The following LTBP4 variants were observed in gnomAD, a reference collection of about 807,000 sequenced individuals.
LTBP4 encodes latent transforming growth factor beta binding protein 4.
A neutral mutation model predicts 180.2 loss-of-function variants in LTBP4; 93 were observed. The observed-to-expected ratio is 0.52, with a 90% confidence interval of 0.44 to 0.61. The LOEUF (loss-of-function observed/expected upper bound fraction) is 0.61, where lower values mean the gene tolerates loss of function less well. Ranked by LOEUF, LTBP4 falls within the 20% of genes least tolerant of loss-of-function variation. LTBP4 has a pLI of 0.00. For synonymous variants in LTBP4, 947 were observed against 934.5 expected (o/e 1.01, Z -0.24); for missense variants, 2,116 against 2,256.5 (o/e 0.94, Z 1.26).
chr19:40,616,432 G>GAAAA (rs575308908), intron 19 of LTBP4, among the ~76,000 whole-genome samples: 1 of 142,306 alleles, frequency 7.0e-6, no homozygotes, highest in Non-Finnish European at 1.5e-5. Context: ...CTCTACTAAA[G>GAAAA]AAAAAAAAAA....
At chr19:40,620,050 G>A (rs2081575276) in intron 22 of LTBP4, among the ~76,000 whole-genome samples, 1 of 152,140 alleles carries the variant, frequency 6.6e-6, no homozygotes, top group Admixed American at 6.6e-5. Flanking sequence ...GCCTGGCAAA[G>A]CCAGAGAGCA....
In LTBP4 at chr19:40,613,658, A is replaced by G; in HGVS notation, c.2557+129A>G. The G allele has an allele frequency of 1.4e-6, 2 of 1,410,670 alleles. No homozygotes were observed. Among genetic ancestry groups the G allele is most frequent in the Non-Finnish European group, 1.9e-6 (2 of 1,035,748 alleles). 87.4% of individuals were successfully genotyped at this position (1,410,670 alleles called of 1,614,324 possible). The stretch of plus-strand genomic sequence containing the variant: ...GGGTATTCCAGCAGGATCAGGGGGC[A>G]GCTGGTGGGAGTCTCGAGGCAGTGA... On this transcript the variant is annotated intron_variant, in intron 17 of 29. Transcript: ENST00000396819. The surrounding 1 kb of genome is among the most constrained non-coding windows in gnomAD (Gnocchi z 5.0).
intron 7 of LTBP4, 39 bp from the exon 8 acceptor site, chr19:40,608,181 C>T (rs1020147827): frequency 5.0e-6 from 8 of 1,612,228 alleles, no homozygotes; most frequent in Non-Finnish European, 6.8e-6. Flanking sequence ...TTTCTTCCCG[C>T]TCTCTTGTCC....
At position 40,622,503 on chromosome 19, in the gene LTBP4, G is replaced by T. The variant is rs918016293; in HGVS notation, c.3320G>T (p.Gly1107Val). 6.2e-7 allele frequency: 1 copy of T among 1,613,440 alleles called. No individual in the cohort carries two copies. ...CGCCGACCCAGCACACCTAGGCAGGGCCCTGTGGGGAGTGGGCGCCGGGAG... is the reference window on the plus strand; with the variant it reads ...CGCCGACCCAGCACACCTAGGCAGGTCCCTGTGGGGAGTGGGCGCCGGGAG... Reference protein sequence around the residue: ...LPRRPSTPRQGPVGSGRRECY... With the variant: ...LPRRPSTPRQVPVGSGRRECY... Residue 1107 changes from glycine to valine, a missense_variant, in exon 23 of 30, where the codon GGC becomes GTC. This residue lies in a region of LTBP4 where 278 missense variants were observed against 373.0 expected (regional missense o/e 0.75). Coordinates refer to ENST00000396819, the MANE Select transcript of LTBP4 (RefSeq NM_001042545.2). This position sits in a 1 kb window ranked among gnomAD's most constrained non-coding sequence, Gnocchi z 5.1.
At position 40,614,020 on chromosome 19, in the gene LTBP4, G is replaced by C; in HGVS notation, c.2662G>C (p.Asp888His). ...TCCTCCGGGACACCGCGCTGGCCCG[G>C]ACCTCGCCTCCTGCCTCGGTGAGAG... ...ICPPGHRAGP[D>H]LASCLDVDEC... is the part of the protein sequence containing the mutation. Residue 888 changes from aspartate (D) to histidine (H), a missense_variant, in exon 18 of 30, where the codon GAC becomes CAC. Physicochemically the swap from Asp to His is moderately conservative, Grantham distance 81. This residue lies in a region of LTBP4 where 877 missense variants were observed against 873.6 expected (regional missense o/e 1.00). Coordinates refer to ENST00000396819, the MANE Select transcript of LTBP4 (RefSeq NM_001042545.2). The C allele has an allele frequency of 2.5e-6, 4 of 1,612,976 alleles. No homozygotes were observed. Among genetic ancestry groups the C allele is most frequent in the Non-Finnish European group, 3.4e-6 (4 of 1,179,708 alleles).
At chr19:40,600,045 C>A, upstream of LTBP4, 1 of 1,224,808 alleles carries the variant, frequency 8.2e-7, no homozygotes, top group Non-Finnish European at 1.0e-6. This position sits in a 1 kb window ranked among gnomAD's most constrained non-coding sequence, Gnocchi z 4.4. Flanking sequence ...GTGACAGCAG[C>A]TTTTCCGTCC....
chr19:40,614,510 G>A, intron 19 of LTBP4, 64 bp downstream of exon 19: 3 of 1,545,612 alleles, frequency 1.9e-6, no homozygotes, highest in Admixed American at 1.9e-5. Context: ...TGCTCCCTTG[G>A]GGACTGAGGA....
chr19:40,602,519 G>A (rs2146017625), intron 1 of LTBP4, among the ~76,000 whole-genome samples: 1 of 152,220 alleles, frequency 6.6e-6, no homozygotes, highest in Middle Eastern at 3.4e-3. Context: ...GCCCAGCCCG[G>A]CCGGCGTGAG....
intron 1 of LTBP4, among the ~76,000 whole-genome samples, chr19:40,595,541 T>A (rs2146007624): frequency 6.6e-6 from 1 of 152,082 alleles, no homozygotes; most frequent in Admixed American, 6.5e-5. Flanking sequence ...CTTCCTTGCC[T>A]GAGTCTTTGA....
At chr19:40,595,890 C>T (rs2081387094) in intron 1 of LTBP4, among the ~76,000 whole-genome samples, 2 of 148,986 alleles carry the variant, frequency 1.3e-5, no homozygotes, top group South Asian at 4.3e-4. Context: ...GCCACCATAC[C>T]CGGCTAATTT....
chr19:40,612,420 T>C (rs950746745), intron 15 of LTBP4, among the ~76,000 whole-genome samples: 4 of 152,170 alleles, frequency 2.6e-5, no homozygotes, highest in African/African-American at 7.2e-5. Context: ...CCCTTGATGA[T>C]AGTCCCTGCC....
chr19:40,599,295 G>A (rs374998018), upstream of LTBP4: 12 of 1,613,388 alleles, frequency 7.4e-6, no homozygotes, highest in Middle Eastern at 1.6e-4. Flanking sequence ...GGGGCAAAAG[G>A]GAATAGGAGG....
At chr19:40,603,852 A>G (rs2081439994) in intron 1 of LTBP4, among the ~76,000 whole-genome samples, 1 of 152,190 alleles carries the variant, frequency 6.6e-6, no homozygotes, top group South Asian at 2.1e-4. Context: ...GGGCTCCCCA[A>G]GGGTCCGGAA....
rs1188311948 is a variant in LTBP4 at position 40,622,969 on chromosome 19, C to T, written c.3504C>T (p.Cys1168=). The change falls in exon 24 of 30, where the codon TGC becomes TGT. Residue 1168 remains cysteine, a synonymous_variant. Transcript: ENST00000396819. This position sits in a 1 kb window ranked among gnomAD's most constrained non-coding sequence, Gnocchi z 5.1. The part of the protein sequence containing the change: ...GTETAEYQSL[C]PHGRGYLAPS... Reference sequence around the variant, plus strand: ...GTGTAGCTGAGTACCAGTCATTGTGCCCTCACGGCCGGGGCTACCTGGCGC... The same window carrying T: ...GTGTAGCTGAGTACCAGTCATTGTGTCCTCACGGCCGGGGCTACCTGGCGC... 2.5e-6 allele frequency: 4 copies of T among 1,612,960 alleles called. No individual in the cohort carries two copies. The African/African-American group carries it at 4.0e-5, about 16-fold the overall frequency.
chr19:40,619,144 C>T (rs2081569198), intron 21 of LTBP4, among the ~76,000 whole-genome samples: 1 of 151,908 alleles, frequency 6.6e-6, no homozygotes, highest in Admixed American at 6.6e-5. Context: ...TAGATATAGC[C>T]CTACTCAAAG....
Position 40,613,684 on chromosome 19 carries a change from G to A in LTBP4, c.2557+155G>A, listed in dbSNP as rs1210634168. Reference sequence around the variant, plus strand: ...GCTGGTGGGAGTCTCGAGGCAGTGAGGGGGGGCGGGGCGTGGAGATGAAAG... The same window carrying A: ...GCTGGTGGGAGTCTCGAGGCAGTGAAGGGGGGCGGGGCGTGGAGATGAAAG... On this transcript the variant is annotated intron_variant, in intron 17 of 29. Transcript: ENST00000396819. This position sits in a 1 kb window ranked among gnomAD's most constrained non-coding sequence, Gnocchi z 5.0. The A allele has an allele frequency of 7.0e-6, 9 of 1,288,804 alleles. No individual in the cohort carries two copies. In the African/African-American group the frequency reaches 1.0e-4, roughly 15 times the overall value. The allele number at this position is 1,288,804 out of a possible 1,614,324, so 79.8% of individuals were successfully genotyped here.
chr19:40,593,547 C>T (rs1428610141), intron 1 of LTBP4, among the ~76,000 whole-genome samples: 1 of 151,502 alleles, frequency 6.6e-6, no homozygotes, highest in Non-Finnish European at 1.5e-5. Context: ...CCCAGCCTCA[C>T]ACTCTAGAAA....
At chr19:40,614,191 C>T in intron 18 of LTBP4, 124 bp from the exon 19 acceptor site, 1 of 1,442,932 alleles carries the variant, frequency 6.9e-7, no homozygotes, top group Non-Finnish European at 9.4e-7. Flanking sequence ...TCCTCTACCC[C>T]AATCTTCTCC....
At chr19:40,594,928 T>G (rs1166180956) in intron 1 of LTBP4, among the ~76,000 whole-genome samples, 25 of 93,336 alleles carry the variant, frequency 2.7e-4, no homozygotes, top group East Asian at 6.7e-4. Context: ...GGAGCAGGAG[T>G]GGGGGGTGGG....
Sources: gnomAD v4.1 joint callset for allele counts (sites outside exome capture counted in the v4.1 genomes callset) on GRCh38, gnomAD v4.1.1 for gene constraint, gnomAD v4.1.1 regional missense constraint, Gnocchi (gnomAD v3.1) non-coding constraint, MANE v1.5 for transcripts, NCBI Gene and HGNC (gene_info 2026-07-23, HGNC 2026-07-21) for gene names.